Variants in APBB2 observed in about 807,000 individuals in gnomAD.
The protein encoded by APBB2 is Fe65-like 1.
A neutral mutation model predicts 82.5 loss-of-function variants in APBB2; 38 were observed. The observed-to-expected ratio is 0.46, with a 90% confidence interval of 0.36 to 0.60. The LOEUF is 0.60. Among genes scored for constraint, APBB2 ranks in the 20% least tolerant of loss-of-function variants. The pLI, the probability that APBB2 is intolerant of heterozygous loss-of-function variation, is 0.00. For synonymous variants in APBB2, 341 were observed against 368.2 expected (o/e 0.93, Z 0.85); for missense variants, 772 against 972.3 (o/e 0.79, Z 2.74).
intron 1 of APBB2, among the ~76,000 whole-genome samples, chr4:41,157,949 G>A (rs181054003): frequency 1.4e-4 from 22 of 152,264 alleles, no homozygotes; most frequent in Admixed American, 5.9e-4. Context: ...CCGAGATTGC[G>A]CCACTGCACT....
Position 40,814,945 on chromosome 4 carries a change from TA to T in APBB2, c.*1146del, listed in dbSNP as rs1197308160. On this transcript the variant is annotated 3_prime_UTR_variant, in exon 18 of 18. Coordinates refer to ENST00000508593, the MANE Select transcript of APBB2 (RefSeq NM_004307.2). Reference sequence around the variant, plus strand: ...GAGTCCAACAAATTCTAATATTAAATACATAAAATCAAGGAAAGGTTCAACC... The same window carrying T: ...GAGTCCAACAAATTCTAATATTAAATCATAAAATCAAGGAAAGGTTCAACC... 2 of 152,138 alleles carry T rather than the reference TA, an allele frequency of 1.3e-5. No homozygotes were observed. Among genetic ancestry groups the T allele is most frequent in the South Asian group, 4.1e-4 (2 of 4,830 alleles). The allele number at this position is 152,138 out of a possible 1,614,324, so 9.4% of individuals were successfully genotyped here.
At chr4:41,115,383 A>G (rs1353958923) in intron 2 of APBB2, among the ~76,000 whole-genome samples, 1 of 152,240 alleles carries the variant, frequency 6.6e-6, no homozygotes, top group East Asian at 1.9e-4. Context: ...AAGAAAACCT[A>G]GAGAATACCA....
chr4:41,201,687 A>G (rs1334208722), intron 1 of APBB2, among the ~76,000 whole-genome samples: 1 of 152,202 alleles, frequency 6.6e-6, no homozygotes, highest in Non-Finnish European at 1.5e-5. Context: ...GATAAAGCCT[A>G]TGCTCTCTTT....
intron 12 of APBB2, among the ~76,000 whole-genome samples, chr4:40,882,061 C>T (rs912989084): frequency 2.6e-5 from 4 of 151,468 alleles, no homozygotes; most frequent in Admixed American, 6.6e-5. Context: ...CTTCAGTCAG[C>T]GCTAATTCAA....
chr4:41,029,121 T>G (rs1269305071), intron 5 of APBB2, among the ~76,000 whole-genome samples: 2 of 152,210 alleles, frequency 1.3e-5, no homozygotes. Context: ...AACTTCACAT[T>G]TGCTTCATTT....
chr4:41,167,177 G>A (rs771030535), intron 1 of APBB2, among the ~76,000 whole-genome samples: 17 of 152,200 alleles, frequency 1.1e-4, no homozygotes, highest in African/African-American at 1.9e-4. Context: ...GGGGGCAGGC[G>A]CACAGTTTCC....
chr4:40,912,231 C>A (rs1204480202), intron 10 of APBB2, among the ~76,000 whole-genome samples: 1 of 152,174 alleles, frequency 6.6e-6, no homozygotes, highest in African/African-American at 2.4e-5. Flanking sequence ...AGCCACACTC[C>A]CAATCACAAT....
chr4:40,876,306 T>C (rs2154343270), intron 12 of APBB2, among the ~76,000 whole-genome samples: 1 of 152,350 alleles, frequency 6.6e-6, no homozygotes, highest in South Asian at 2.1e-4. Flanking sequence ...ACCATCAACA[T>C]AATGAGTATA....
intron 3 of APBB2, among the ~76,000 whole-genome samples, chr4:41,100,046 A>G (rs1222300319): frequency 6.6e-6 from 1 of 152,222 alleles, no homozygotes; most frequent in Non-Finnish European, 1.5e-5. Context: ...TTTCTAAAAG[A>G]CAGCAAAAAC....
chr4:40,859,392 A>G (rs919310833), intron 12 of APBB2, among the ~76,000 whole-genome samples: 2 of 151,324 alleles, frequency 1.3e-5, no homozygotes, highest in Admixed American at 6.6e-5. Flanking sequence ...TGCTTCAGAG[A>G]TGGGGTTTTG....
intron 6 of APBB2, among the ~76,000 whole-genome samples, chr4:40,990,989 T>C (rs1010743976): frequency 1.4e-5 from 2 of 142,172 alleles, no homozygotes; most frequent in African/African-American, 5.0e-5. Context: ...CATAGATTTC[T>C]GGTCATTTTG....
chr4:40,931,004 C>T (rs994985322), intron 10 of APBB2, among the ~76,000 whole-genome samples: 6 of 152,282 alleles, frequency 3.9e-5, no homozygotes, highest in Admixed American at 3.3e-4. Context: ...GCCTTACCCT[C>T]CCAAACTGCT....
At chr4:41,148,424 C>T (rs1761374287) in intron 1 of APBB2, among the ~76,000 whole-genome samples, 2 of 152,208 alleles carry the variant, frequency 1.3e-5, no homozygotes, top group Non-Finnish European at 2.9e-5. Flanking sequence ...TAGCCAACTT[C>T]ATGGAGCTGT....
In APBB2 at chr4:41,209,073, G is replaced by A. The variant is rs558112264; in HGVS notation, c.-417+5332C>T. On this transcript the variant is annotated intron_variant, in intron 1 of 17. Transcript: ENST00000508593. ...TGTGACTTGACCTTCCACCCTCTATGCCCTTCCTCTCTCCCAGCTCTCATC... is the reference window on the plus strand; with the variant it reads ...TGTGACTTGACCTTCCACCCTCTATACCCTTCCTCTCTCCCAGCTCTCATC... 2.6e-4 allele frequency among the ~76,000 whole-genome samples: 39 copies of A among 152,128 alleles called. 1 individual carries two copies. The South Asian group carries it at 7.7e-3, about 30-fold the overall frequency.
intron 17 of APBB2, among the ~76,000 whole-genome samples, chr4:40,818,095 A>G (rs1188163698): frequency 1.3e-5 from 2 of 152,234 alleles, no homozygotes; most frequent in Non-Finnish European, 2.9e-5. Context: ...GCTGTAAAAT[A>G]TGCCTAAAAA....
chr4:41,144,503 T>A (rs1760146311), intron 1 of APBB2, among the ~76,000 whole-genome samples: 1 of 152,212 alleles, frequency 6.6e-6, no homozygotes, highest in South Asian at 2.1e-4. Context: ...AGAGAATTTT[T>A]AAATAAGGGG....
intron 12 of APBB2, among the ~76,000 whole-genome samples, chr4:40,873,100 A>AT (rs1198620815): frequency 2.6e-5 from 4 of 151,676 alleles, no homozygotes; most frequent in Non-Finnish European, 5.9e-5. Flanking sequence ...AAAAAAAAAA[A>AT]AAAAGATGGT....
chr4:40,964,048 T>C (rs1463706330), intron 6 of APBB2, among the ~76,000 whole-genome samples: 1 of 152,240 alleles, frequency 6.6e-6, no homozygotes, highest in Admixed American at 6.5e-5. Flanking sequence ...GAATTTTCCA[T>C]GGGCTTTCTT....
chr4:40,908,608 G>T (rs115275638), intron 10 of APBB2, among the ~76,000 whole-genome samples: 1 of 151,992 alleles, frequency 6.6e-6, no homozygotes, highest in African/African-American at 2.4e-5. Flanking sequence ...GGCTGGCACC[G>T]GAGCCCAGGG....
Sources: gnomAD v4.1 joint callset for allele counts (sites outside exome capture counted in the v4.1 genomes callset) on GRCh38, gnomAD v4.1.1 for gene constraint, MANE v1.5 for transcripts, NCBI Gene and HGNC (gene_info 2026-07-23, HGNC 2026-07-21) for gene names.